The following SCN2B variants were observed in gnomAD, a reference collection of about 807,000 sequenced individuals.
The protein encoded by SCN2B is sodium channel regulatory subunit beta-2.
A neutral mutation model predicts 18.2 loss-of-function variants in SCN2B; 14 were observed. The observed-to-expected ratio is 0.77, with a 90% confidence interval of 0.51 to 1.21. The LOEUF (loss-of-function observed/expected upper bound fraction) is 1.21, where lower values mean the gene tolerates loss of function less well. Among genes scored for constraint, SCN2B ranks in the 50% most tolerant of loss-of-function variants. The pLI is 0.00. For synonymous variants in SCN2B, 115 were observed against 115.3 expected, an observed-to-expected ratio of 1.00 and a Z score of 0.02; for missense variants, 262 against 286.9, an observed-to-expected ratio of 0.91 and a Z score of 0.63.
At chr11:118,176,160 C>T (rs1190381475) in intron 1 of SCN2B, among the ~76,000 whole-genome samples, 1 of 152,196 alleles carries the variant, frequency 6.6e-6, no homozygotes. Context: ...CTCAGATCCC[C>T]TGACCCAACA....
rs1436507712 is a variant in SCN2B, at chr11:118,164,144, G to A, written c.*2743C>T. ...CTTGATGGAGAGTTAGAACTTCTTA[G>A]AATACACTAGGAAAGCCCGCAAATA... On this transcript the variant is annotated 3_prime_UTR_variant, in exon 4 of 4. Coordinates refer to ENST00000278947, the MANE Select transcript of SCN2B (RefSeq NM_004588.5). 6.6e-6 allele frequency: 1 copy of A among 152,188 alleles called. No individual in the cohort carries two copies. The highest frequency in any genetic ancestry group is 2.4e-5 in the African/African-American group (1 of 41,438). The allele number at this position is 152,188 out of a possible 1,614,324, so 9.4% of individuals were successfully genotyped here.
intron 1 of SCN2B, among the ~76,000 whole-genome samples, chr11:118,174,200 A>G (rs780487746): frequency 2.4e-4 from 34 of 140,678 alleles, no homozygotes; most frequent in Non-Finnish European, 4.5e-4. Context: ...TCGGCCTCCC[A>G]AAGCACTGGG....
Position 118,176,514 on chromosome 11 carries a change from G to A in SCN2B, c.-83C>T, listed in dbSNP as rs1591447534. On this transcript the variant is annotated 5_prime_UTR_variant, in exon 1 of 4. Coordinates refer to ENST00000278947, the MANE Select transcript of SCN2B (RefSeq NM_004588.5). ...GAGAACTACAAGGGAGGAATGGTTG[G>A]ATGCTAAAAAAAAATGCACGGATGT... 10 of 1,000,518 alleles carry A rather than the reference G, an allele frequency of 1.0e-5. No homozygotes were observed. The East Asian group carries it at 2.1e-4, about 21-fold the overall frequency. The allele number at this position is 1,000,518 out of a possible 1,614,324, so 62.0% of individuals were successfully genotyped here. A position where few individuals can be genotyped will look rare whatever the true frequency, so the allele number is the denominator to read the frequency against.
chr11:118,173,248 T>C (rs1364608480), intron 1 of SCN2B, among the ~76,000 whole-genome samples: 1 of 152,224 alleles, frequency 6.6e-6, no homozygotes, highest in Admixed American at 6.5e-5. Context: ...TTCACTCCAG[T>C]GACCCCAGTT....
In SCN2B at chr11:118,168,422, C is replaced by T; in HGVS notation, c.238-127G>A. ...AGAGGCAGTTACCTCTGTGAGGCAC[C>T]TGGATGCGCAGCACACCTTGTTTCA... On this transcript the variant is annotated intron_variant, in intron 2 of 3. Coordinates refer to ENST00000278947, the MANE Select transcript of SCN2B (RefSeq NM_004588.5). The surrounding 1 kb of genome is among the most constrained non-coding windows in gnomAD (Gnocchi z 4.7). 7.9e-7 allele frequency: 1 copy of T among 1,259,706 alleles called. No homozygotes were observed. The highest frequency in any genetic ancestry group is 1.2e-6 in the Non-Finnish European group (1 of 860,978). The allele number at this position is 1,259,706 out of a possible 1,614,324, so 78.0% of individuals were successfully genotyped here.
intron 1 of SCN2B, among the ~76,000 whole-genome samples, chr11:118,174,091 C>CTTTTTTTTTTCTTTTTTTTTTTTTT (rs1948449565): frequency 1.5e-5 from 1 of 66,626 alleles, no homozygotes; most frequent in African/African-American, 6.4e-5. Context: ...TTTTTCTTTT[C>CTTTTTTTTTTCTTTTTTTTTTTTTT]TTTTTTTTTT....
At chr11:118,169,935 C>T (rs1056412856) in intron 1 of SCN2B, among the ~76,000 whole-genome samples, 1 of 152,312 alleles carries the variant, frequency 6.6e-6, no homozygotes, top group South Asian at 2.1e-4. Context: ...ACGCCCTAGG[C>T]ACCTCACTGG....
In SCN2B at chr11:118,166,796, G is replaced by A; in HGVS notation, c.*91C>T. Reference sequence around the variant, plus strand: ...GTGGGCCCTGGGGTCCTAGGTCACGGGAAGCACACCAAGAGCGAGCAGGCA... The same window carrying A: ...GTGGGCCCTGGGGTCCTAGGTCACGAGAAGCACACCAAGAGCGAGCAGGCA... On this transcript the variant is annotated 3_prime_UTR_variant, in exon 4 of 4. Transcript: ENST00000278947. 1 of 1,535,942 alleles carries A rather than the reference G, an allele frequency of 6.5e-7. No individual in the cohort carries two copies. The highest frequency in any genetic ancestry group is 8.9e-7 in the Non-Finnish European group (1 of 1,118,580).
At chr11:118,169,108 C>T (rs1948409897) in intron 1 of SCN2B, among the ~76,000 whole-genome samples, 1 of 152,140 alleles carries the variant, frequency 6.6e-6, no homozygotes, top group Non-Finnish European at 1.5e-5. Flanking sequence ...AGTCCATACT[C>T]CTGGAGTGGG....
At chr11:118,173,453 T>C (rs906629338) in intron 1 of SCN2B, among the ~76,000 whole-genome samples, 3 of 152,164 alleles carry the variant, frequency 2.0e-5, no homozygotes, top group Non-Finnish European at 4.4e-5. Flanking sequence ...CCTGTTCCTA[T>C]CTCTTCCACA....
chr11:118,174,612 G>T (rs1435438406), intron 1 of SCN2B, among the ~76,000 whole-genome samples: 1 of 152,008 alleles, frequency 6.6e-6, no homozygotes, highest in Non-Finnish European at 1.5e-5. Context: ...CAAGTTCAAG[G>T]TCCCCATTCC....
rs1399888706 is a variant in SCN2B at position 118,164,569 on chromosome 11, C to G, written c.*2318G>C. On this transcript the variant is annotated 3_prime_UTR_variant, in exon 4 of 4. Transcript: ENST00000278947. ...GCACCCACTCTGCCTGGCCTCTGCA[C>G]CCTTGACCCTGTTGTATTGCCCCTC... 1.3e-5 allele frequency: 2 copies of G among 153,070 alleles called. No individual in the cohort carries two copies. The highest frequency in any genetic ancestry group is 6.5e-5 in the Admixed American group (1 of 15,298). The allele number at this position is 153,070 out of a possible 1,614,324, so 9.5% of individuals were successfully genotyped here.
chr11:118,174,985 G>T (rs145889994), intron 1 of SCN2B, among the ~76,000 whole-genome samples: 1 of 152,148 alleles, frequency 6.6e-6, no homozygotes, highest in Non-Finnish European at 1.5e-5. Context: ...GGAATCCAAC[G>T]TTTAAGAGAA....
At position 118,166,609 on chromosome 11, in the gene SCN2B, G is replaced by A; in HGVS notation, c.*278C>T. 2.0e-6 allele frequency: 1 copy of A among 509,652 alleles called. No individual in the cohort carries two copies. The highest frequency in any genetic ancestry group is 3.6e-6 in the Non-Finnish European group (1 of 278,840). 31.6% of individuals were successfully genotyped at this position (509,652 alleles called of 1,614,324 possible). A position where few individuals can be genotyped will look rare whatever the true frequency, so the allele number is the denominator to read the frequency against. On this transcript the variant is annotated 3_prime_UTR_variant, in exon 4 of 4. Coordinates refer to ENST00000278947, the MANE Select transcript of SCN2B (RefSeq NM_004588.5). The stretch of plus-strand genomic sequence containing the variant: ...CCCTTCTCTCTGGGGACCCTCACAT[G>A]TGCCTCCTGCCTCCCCCCAGGGACT...
Position 118,167,045 on chromosome 11 carries a change from C to A in SCN2B, c.490G>T (p.Ala164Ser), listed in dbSNP as rs923539173. 6.2e-7 allele frequency: 1 copy of A among 1,613,418 alleles called. No individual in the cohort carries two copies. The highest frequency in any genetic ancestry group is 8.5e-7 in the Non-Finnish European group (1 of 1,180,052). Residue 164 changes from alanine to serine, a missense_variant, in exon 4 of 4, where the codon GCC (alanine) becomes TCC (serine). Coordinates refer to ENST00000278947, the MANE Select transcript of SCN2B (RefSeq NM_004588.5). ...ACAGCCAGGAAGCCCCCGACGGAGG[C>A]ACCCACAATCACGGCCACCGTGGAG... ...RDSTVAVIVG[A>S]SVGGFLAVVI...
intron 1 of SCN2B, among the ~76,000 whole-genome samples, chr11:118,174,634 C>T (rs1191011166): frequency 6.6e-6 from 1 of 152,156 alleles, no homozygotes; most frequent in East Asian, 1.9e-4. Flanking sequence ...GCATCCTCTC[C>T]CACTCAGCTT....
chr11:118,168,106 G>A lies in SCN2B; in HGVS notation c.427C>T (p.His143Tyr), dbSNP rs375624096. ...TCACCTTCCATGAGGACCTGCAGAT[G>A]GATCTTGCCATGGCCACGGTGGCGG... is the stretch of plus-strand genomic sequence containing the variant. ...PDRHRGHGKI[H>Y]LQVLMEEPPE... Residue 143 changes from histidine to tyrosine, a missense_variant, in exon 3 of 4, where the codon CAT (histidine) becomes TAT (tyrosine). Coordinates refer to ENST00000278947, the MANE Select transcript of SCN2B (RefSeq NM_004588.5). This position sits in a 1 kb window ranked among gnomAD's most constrained non-coding sequence, Gnocchi z 4.7. The A allele has an allele frequency of 1.2e-6, 2 of 1,613,912 alleles. No individual in the cohort carries two copies. The highest frequency in any genetic ancestry group is 1.7e-6 in the Non-Finnish European group (2 of 1,179,966).
intron 1 of SCN2B, among the ~76,000 whole-genome samples, chr11:118,172,618 C>A (rs1948438364): frequency 6.6e-6 from 1 of 152,220 alleles, no homozygotes; most frequent in Non-Finnish European, 1.5e-5. Flanking sequence ...CCTGTGTCTC[C>A]TGATTTTCAA....
intron 3 of SCN2B, 120 bp from the exon 4 acceptor site, chr11:118,167,206 T>C: frequency 2.8e-6 from 3 of 1,087,908 alleles, no homozygotes; most frequent in Non-Finnish European, 2.6e-6. Context: ...GACAGGACTT[T>C]AGCAAAGCCG....
Sources: allele counts gnomAD v4.1 joint callset (sites outside exome capture counted in the v4.1 genomes callset), GRCh38; gene constraint gnomAD v4.1.1; non-coding constraint Gnocchi (gnomAD v3.1); transcripts MANE v1.5; gene names NCBI Gene and HGNC (gene_info 2026-07-23, HGNC 2026-07-21).